Variants in ABCA3 observed in about 807,000 individuals in gnomAD.
ABCA3 encodes phospholipid-transporting ATPase ABCA3.
In ABCA3, 88 loss-of-function variants were observed where a neutral mutation model predicts 172.8. The ratio of observed to expected loss-of-function variants is 0.51; its 90% CI spans 0.43 to 0.61. The LOEUF (loss-of-function observed/expected upper bound fraction) is 0.61. Ranked by LOEUF, ABCA3 falls within the 20% of genes least tolerant of loss-of-function variation. The probability of loss-of-function intolerance (pLI) is 0.00; values close to 1 mark genes in which losing one functional copy is unlikely to be tolerated. For missense variants in ABCA3, 2,164 were observed against 2,301.0 expected (o/e 0.94, Z 1.22); for synonymous variants, 1,066 against 983.8 (o/e 1.08, Z -1.56).
At chr16:2,309,091 G>GC (rs1323121736) in intron 10 of ABCA3, among the ~76,000 whole-genome samples, 1 of 152,128 alleles carries the variant, frequency 6.6e-6, no homozygotes, top group Non-Finnish European at 1.5e-5. Flanking sequence ...GACTACAGGT[G>GC]CCCGCCACCA....
intron 19 of ABCA3, 66 bp downstream of exon 19, chr16:2,292,073 CA>C (rs889291314): frequency 0.049 from 44,001 of 896,554 alleles, no homozygotes; most frequent in East Asian, 0.053. Flanking sequence ...AACTCCATCT[CA>C]AAAAAAAAAA....
intron 11 of ABCA3, among the ~76,000 whole-genome samples, chr16:2,304,364 GC>G (rs2093694194): frequency 6.6e-6 from 1 of 152,110 alleles, no homozygotes; most frequent in South Asian, 2.1e-4. Flanking sequence ...TCACAGACCA[GC>G]AACAGCTCAT....
At position 2,279,412 on chromosome 16, in the gene ABCA3, G is replaced by T. The variant is rs1004418058; in HGVS notation, c.4360-282C>A. On this transcript the variant is annotated intron_variant, in intron 28 of 32. Coordinates refer to ENST00000301732, the MANE Select transcript of ABCA3 (RefSeq NM_001089.3). This position sits in a 1 kb window ranked among gnomAD's most constrained non-coding sequence, Gnocchi z 4.4. ...ACAGGCAGCCATGGGGTTAGGTGGT[G>T]CAAGAATGGCCTTTACGTAGAAGCA... is the stretch of plus-strand genomic sequence containing the variant. Among the ~76,000 whole-genome samples, 1 of 152,226 alleles carries T rather than the reference G, an allele frequency of 6.6e-6. No individual in the cohort carries two copies. The highest frequency in any genetic ancestry group is 6.5e-5 in the Admixed American group (1 of 15,284).
At chr16:2,330,584 T>C (rs1238206528) in intron 1 of ABCA3, among the ~76,000 whole-genome samples, 1 of 151,898 alleles carries the variant, frequency 6.6e-6, no homozygotes, top group Non-Finnish European at 1.5e-5. Context: ...CCTCTCACAG[T>C]GTTGGGATGA....
In ABCA3 at chr16:2,304,091, A is replaced by G. The variant is rs2093693773; in HGVS notation, c.1345T>C (p.Phe449Leu). The change falls in exon 12 of 33, where the codon TTC becomes CTC. Residue 449 changes from phenylalanine (F) to leucine (L), a missense_variant. Phe to Leu is a conservative substitution (Grantham distance 22). Coordinates refer to ENST00000301732, the MANE Select transcript of ABCA3 (RefSeq NM_001089.3). ...SPVNVDDDFC[F>L]GQVLGMLLLD... ...AGCAGCATCCCCAGCACCTGCCCGA[A>G]GCAGAAGTCGTCGTCCACGTTGACG... 1 of 1,614,162 alleles carries G rather than the reference A, an allele frequency of 6.2e-7. No homozygotes were observed. Among genetic ancestry groups the G allele is most frequent in the Non-Finnish European group, 8.5e-7 (1 of 1,180,028 alleles).
intron 19 of ABCA3, among the ~76,000 whole-genome samples, chr16:2,290,534 G>T (rs1171865432): frequency 6.6e-6 from 1 of 152,166 alleles, no homozygotes; most frequent in Non-Finnish European, 1.5e-5. Flanking sequence ...CTGCTGAGAC[G>T]CAGCAGGATC....
chr16:2,323,516 T>C lies in ABCA3; in HGVS notation c.613+7A>G. On this transcript the variant is annotated splice_region_variant and intron_variant, in intron 7 of 32. Coordinates refer to ENST00000301732, the MANE Select transcript of ABCA3 (RefSeq NM_001089.3). ...CTGGTAACACGAACCCTAACCGAGCTTCTCACCAGGTTCTCCGCCATCAGG... is the reference window on the plus strand; with the variant it reads ...CTGGTAACACGAACCCTAACCGAGCCTCTCACCAGGTTCTCCGCCATCAGG... The C allele has an allele frequency of 6.2e-7, 1 of 1,614,074 alleles. No individual in the cohort carries two copies.
At chr16:2,302,837 G>A (rs1442842923) in intron 12 of ABCA3, among the ~76,000 whole-genome samples, 1 of 148,330 alleles carries the variant, frequency 6.7e-6, no homozygotes, top group East Asian at 2.0e-4. Flanking sequence ...CGCCCAGGTT[G>A]GAGTGCAATG....
At chr16:2,280,257 G>A (rs920490698) in intron 28 of ABCA3, among the ~76,000 whole-genome samples, 11 of 152,230 alleles carry the variant, frequency 7.2e-5, no homozygotes, top group Admixed American at 2.6e-4. Context: ...GACACAGTGA[G>A]TTTATAATCT....
chr16:2,284,240 C>T lies in ABCA3; in HGVS notation c.3862+39G>A, dbSNP rs758713237. ...CTCTGCAGTGACCACGTCCTGAGGA[C>T]GCAGGGGTGCTGCCCGGGGTCGGGG... is the stretch of plus-strand genomic sequence containing the variant. On this transcript the variant is annotated intron_variant, in intron 25 of 32. Transcript: ENST00000301732. The surrounding 1 kb of genome is among the most constrained non-coding windows in gnomAD (Gnocchi z 5.9). The T allele has an allele frequency of 1.5e-5, 24 of 1,599,778 alleles. No individual in the cohort carries two copies. Among genetic ancestry groups the T allele is most frequent in the African/African-American group, 2.7e-5 (2 of 74,736 alleles).
At chr16:2,289,934 T>A (rs1189027497) in intron 19 of ABCA3, among the ~76,000 whole-genome samples, 1 of 149,878 alleles carries the variant, frequency 6.7e-6, no homozygotes, top group Non-Finnish European at 1.5e-5. Flanking sequence ...GCAGAGGAGG[T>A]GATTTTTTAA....
At chr16:2,291,202 G>A (rs1230747496) in intron 19 of ABCA3, among the ~76,000 whole-genome samples, 5 of 152,132 alleles carry the variant, frequency 3.3e-5, no homozygotes, top group African/African-American at 7.2e-5. Flanking sequence ...AATGACGTGC[G>A]CCTGCAGTCC....
chr16:2,334,142 T>C (rs1016065707), intron 1 of ABCA3, among the ~76,000 whole-genome samples: 1 of 152,024 alleles, frequency 6.6e-6, no homozygotes, highest in African/African-American at 2.4e-5. Flanking sequence ...GACAGGGAGA[T>C]GGCCCGGGAG....
chr16:2,319,752 C>T lies in ABCA3; in HGVS notation c.702G>A (p.Leu234=). Residue 234 remains leucine, a synonymous_variant, in exon 8 of 33, where the codon CTG becomes CTA. Coordinates refer to ENST00000301732, the MANE Select transcript of ABCA3 (RefSeq NM_001089.3). ...EYHADAATRQ[L]FQRLTVTIKR... is the part of the protein sequence containing the mutation. ...TGATGGTCACCGTCAGTCTCTGGAACAGCTGGCGTGTGGCGGCATCGGCAT... is the reference window on the plus strand; with the variant it reads ...TGATGGTCACCGTCAGTCTCTGGAATAGCTGGCGTGTGGCGGCATCGGCAT... 1 of 1,613,994 alleles carries T rather than the reference C, an allele frequency of 6.2e-7. No homozygotes were observed. Among genetic ancestry groups the T allele is most frequent in the Non-Finnish European group, 8.5e-7 (1 of 1,180,022 alleles).
Position 2,297,609 on chromosome 16 carries a change from G to C in ABCA3, c.2053-70C>G. The C allele has an allele frequency of 1.3e-6, 2 of 1,598,518 alleles. No homozygotes were observed. Among genetic ancestry groups the C allele is most frequent in the South Asian group, 2.2e-5 (2 of 90,728 alleles). On this transcript the variant is annotated intron_variant, in intron 16 of 32. Transcript: ENST00000301732. The surrounding 1 kb of genome is among the most constrained non-coding windows in gnomAD (Gnocchi z 5.6). ...CCGGGCCCAGGCTGGCCTTGCGGTA[G>C]GCCCCATCGAGGGGTTCGCGGAGCC...
chr16:2,307,184 T>C (rs1008891678), intron 11 of ABCA3, among the ~76,000 whole-genome samples: 3 of 152,282 alleles, frequency 2.0e-5, no homozygotes, highest in Non-Finnish European at 4.4e-5. Context: ...GCGTCTCTGC[T>C]GCCATCACCA....
chr16:2,298,612 C>A (rs2093683929), intron 14 of ABCA3, 72 bp from the exon 15 acceptor site: 2 of 1,569,926 alleles, frequency 1.3e-6, no homozygotes, highest in Non-Finnish European at 8.7e-7. Flanking sequence ...AATGACCCCC[C>A]ACCCCCTCTC....
chr16:2,326,040 C>T lies in ABCA3; in HGVS notation c.289G>A (p.Val97Met), dbSNP rs748192749. 6.2e-7 allele frequency: 1 copy of T among 1,614,058 alleles called. No homozygotes were observed. The highest frequency in any genetic ancestry group is 8.5e-7 in the Non-Finnish European group (1 of 1,180,024). ...ATGTTGATCACAAGTGCCCTGCGCA[C>T]TGTCTCAGTGACGGTCTTGGCAGCG... The part of the protein sequence containing the change: ...SDAAKTVTET[V>M]RRALVINMRV... The change falls in exon 5 of 33, where the codon GTG becomes ATG. Residue 97 changes from valine to methionine, a missense_variant. By Grantham distance (21) the Val-to-Met change is conservative. This residue lies in a region of ABCA3 where 1,343 missense variants were observed against 1,369.6 expected (regional missense o/e 0.98). Transcript: ENST00000301732.
chr16:2,297,907 T>C lies in ABCA3; in HGVS notation c.1911A>G (p.Ser637=), dbSNP rs544646623. The change falls in exon 16 of 33, where the codon TCA becomes TCG. Residue 637 remains serine, a synonymous_variant. Transcript: ENST00000301732. This position sits in a 1 kb window ranked among gnomAD's most constrained non-coding sequence, Gnocchi z 5.6. ...TGACTTCTTCAGGGCACTTCTGACG[T>C]GACAGGCCCTTCAGCTGCAACGACA... is the stretch of plus-strand genomic sequence containing the variant. ...LYFYAQLKGL[S]RQKCPEEVKQ... 3 of 1,613,586 alleles carry C rather than the reference T, an allele frequency of 1.9e-6. No homozygotes were observed. Among genetic ancestry groups the C allele is most frequent in the Non-Finnish European group, 2.5e-6 (3 of 1,180,042 alleles).
Sources: allele counts gnomAD v4.1 joint callset (sites outside exome capture counted in the v4.1 genomes callset), GRCh38; gene constraint gnomAD v4.1.1; regional missense constraint gnomAD v4.1.1; non-coding constraint Gnocchi (gnomAD v3.1); transcripts MANE v1.5; gene names NCBI Gene and HGNC (gene_info 2026-07-23, HGNC 2026-07-21).